CNTNAP2: variants seen among roughly 807,000 people sequenced by gnomAD.
CNTNAP2 encodes the protein contactin associated protein 2, also known as contactin-associated protein-like 2.
A neutral mutation model predicts 155.2 loss-of-function variants in CNTNAP2; 98 were observed. The ratio of observed to expected loss-of-function variants is 0.63; its 90% confidence interval spans 0.54 to 0.75. The LOEUF (loss-of-function observed/expected upper bound fraction) is 0.75, where lower values mean the gene tolerates loss of function less well. CNTNAP2 is among the 30% of genes least tolerant of loss of function. The pLI is 0.00. For synonymous variants in CNTNAP2, 651 were observed against 631.2 expected (o/e 1.03, Z -0.47); for missense variants, 1,727 against 1,688.1 (o/e 1.02, Z -0.40).
intron 8 of CNTNAP2, chr7:147,167,323 A>G: frequency 1.9e-6 from 1 of 534,304 alleles, no homozygotes; most frequent in Non-Finnish European, 3.1e-6. Flanking sequence ...AGATGGTGCT[A>G]TTATAACACT....
At chr7:147,201,836 TAGAG>T (rs975416951) in intron 8 of CNTNAP2, among the ~76,000 whole-genome samples, 34 of 152,126 alleles carry the variant, frequency 2.2e-4, no homozygotes, top group Admixed American at 3.9e-4. Context: ...TTTTTAGAGA[TAGAG>T]GGAGAAATAA....
intron 12 of CNTNAP2, among the ~76,000 whole-genome samples, chr7:147,571,152 G>C (rs1396158536): frequency 6.6e-6 from 1 of 151,192 alleles, no homozygotes; most frequent in Non-Finnish European, 1.5e-5. Flanking sequence ...TAAGTTTTAG[G>C]GTACATGTGC....
chr7:148,338,852 G>C (rs35769526), intron 21 of CNTNAP2, among the ~76,000 whole-genome samples: 2 of 152,200 alleles, frequency 1.3e-5, no homozygotes, highest in East Asian at 3.9e-4. Context: ...GGAAGAGAAA[G>C]GGGAGGTGGA....
At chr7:148,342,227 C>T (rs1798249067) in intron 21 of CNTNAP2, among the ~76,000 whole-genome samples, 1 of 152,110 alleles carries the variant, frequency 6.6e-6, no homozygotes, top group African/African-American at 2.4e-5. Context: ...AATTTTTGTC[C>T]TCAATAAAGA....
chr7:146,978,709 AT>A (rs1797958545), intron 3 of CNTNAP2, among the ~76,000 whole-genome samples: 5 of 151,126 alleles, frequency 3.3e-5, no homozygotes. Flanking sequence ...TCATATATAT[AT>A]AATATATATA....
At chr7:146,781,898 C>T (rs971813350) in intron 2 of CNTNAP2, among the ~76,000 whole-genome samples, 3 of 152,140 alleles carry the variant, frequency 2.0e-5, no homozygotes, top group Non-Finnish European at 4.4e-5. Flanking sequence ...AGGGCATTGT[C>T]TGTCTGTGTG....
intron 1 of CNTNAP2, among the ~76,000 whole-genome samples, chr7:146,541,015 C>A (rs1021276982): frequency 6.6e-6 from 1 of 151,882 alleles, no homozygotes; most frequent in Non-Finnish European, 1.5e-5. Flanking sequence ...TCTAAGAAAC[C>A]TATAAAGCAT....
At chr7:146,335,188 CTA>C (rs1801253720) in intron 1 of CNTNAP2, among the ~76,000 whole-genome samples, 1 of 152,274 alleles carries the variant, frequency 6.6e-6, no homozygotes, top group East Asian at 1.9e-4. Context: ...ACATCAAAAC[CTA>C]TATGTTGAGA....
chr7:146,853,229 G>A (rs66517603), intron 3 of CNTNAP2, among the ~76,000 whole-genome samples: 14,900 of 152,174 alleles, frequency 0.098, 889 homozygotes, highest in African/African-American at 0.15. Flanking sequence ...GCATTTTCTT[G>A]AAATATTAAT....
chr7:146,752,984 T>C (rs1042162247), intron 1 of CNTNAP2, among the ~76,000 whole-genome samples: 1 of 152,184 alleles, frequency 6.6e-6, no homozygotes, highest in African/African-American at 2.4e-5. Flanking sequence ...TCACTGGACT[T>C]GTTTCTTTAG....
At chr7:148,078,072 G>GTT (rs141273074) in intron 15 of CNTNAP2, among the ~76,000 whole-genome samples, 8,554 of 148,188 alleles carry the variant, frequency 0.058, 298 homozygotes, top group Admixed American at 0.12. Flanking sequence ...TCATTGTTTT[G>GTT]TTTTTTTTTT....
At chr7:147,100,474 G>T (rs1258300493) in intron 4 of CNTNAP2, among the ~76,000 whole-genome samples, 2 of 152,108 alleles carry the variant, frequency 1.3e-5, no homozygotes, top group Admixed American at 1.3e-4. Context: ...CTTGGAATAT[G>T]CAAGTTCCTC....
intron 1 of CNTNAP2, among the ~76,000 whole-genome samples, chr7:146,639,475 T>A (rs1464898898): frequency 6.6e-6 from 1 of 152,208 alleles, no homozygotes. Flanking sequence ...TATTCCCATT[T>A]TATGGGGGAG....
intron 1 of CNTNAP2, among the ~76,000 whole-genome samples, chr7:146,293,174 A>C (rs1388486136): frequency 1.3e-5 from 2 of 152,160 alleles, no homozygotes; most frequent in African/African-American, 4.8e-5. Flanking sequence ...GATTTAAATG[A>C]AACAGTGAAA....
At chr7:147,627,141 C>A (rs1293437766) in intron 12 of CNTNAP2, among the ~76,000 whole-genome samples, 4 of 152,156 alleles carry the variant, frequency 2.6e-5, no homozygotes, top group Non-Finnish European at 5.9e-5. Context: ...CAAGGGATCA[C>A]CCTGTGGGAC....
chr7:146,945,995 G>A (rs1430740712), intron 3 of CNTNAP2, among the ~76,000 whole-genome samples: 4 of 152,180 alleles, frequency 2.6e-5, no homozygotes, highest in Middle Eastern at 3.4e-3. Context: ...GGGAAAGGTG[G>A]GGCCAAAGAG....
chr7:146,518,196 G>A (rs1797568434), intron 1 of CNTNAP2, among the ~76,000 whole-genome samples: 1 of 151,056 alleles, frequency 6.6e-6, no homozygotes, highest in Non-Finnish European at 1.5e-5. Flanking sequence ...AGTTACCATA[G>A]AATTGAACGT....
chr7:147,310,457 C>A (rs1322876909), intron 9 of CNTNAP2, among the ~76,000 whole-genome samples: 1 of 152,056 alleles, frequency 6.6e-6, no homozygotes, highest in Non-Finnish European at 1.5e-5. Flanking sequence ...ACGGATAACA[C>A]TAAAGATAAG....
chr7:147,249,626 G>A lies in CNTNAP2; in HGVS notation c.1349-50515G>A, dbSNP rs867553597. ...AGGTAAAAAAAAAAAAAAAAAAAAA[G>A]GTTTCAGCACCAATCTTCAATCTCT... is the stretch of plus-strand genomic sequence containing the variant. On this transcript the variant is annotated intron_variant, in intron 8 of 23. Transcript: ENST00000361727. Among the ~76,000 whole-genome samples the A allele has an allele frequency of 6.3e-3, 315 of 50,186 alleles. 4 individuals carry two copies. Among genetic ancestry groups the A allele is most frequent in the African/African-American group, 0.023 (291 of 12,582 alleles). 32.9% of individuals were successfully genotyped at this position (50,186 alleles called of 152,430 possible). A position where few individuals can be genotyped will look rare whatever the true frequency, so the allele number is the denominator to read the frequency against.
Sources: allele counts gnomAD v4.1 joint callset (sites outside exome capture counted in the v4.1 genomes callset), GRCh38; gene constraint gnomAD v4.1.1; transcripts MANE v1.5; gene names NCBI Gene and HGNC (gene_info 2026-07-23, HGNC 2026-07-21).